The following PTPRD variants were observed in gnomAD, a reference collection of about 807,000 sequenced individuals.
PTPRD encodes protein tyrosine phosphatase receptor type D.
In PTPRD, 34 loss-of-function variants were observed where a neutral mutation model predicts 214.5. The observed-to-expected ratio is 0.16, with a 90% CI of 0.12 to 0.21. PTPRD has a LOEUF of 0.21. Ranked by LOEUF, PTPRD falls within the 10% of genes least tolerant of loss-of-function variation. PTPRD has a pLI of 1.00. For missense variants in PTPRD, 2,545 were observed against 2,398.7 expected, an observed-to-expected ratio of 1.06 and a Z score of -1.27; for synonymous variants, 1,128 against 845.7, an observed-to-expected ratio of 1.33 and a Z score of -5.79.
At chr9:10,431,537 C>T (rs2098678625) in intron 2 of PTPRD, among the ~76,000 whole-genome samples, 1 of 151,878 alleles carries the variant, frequency 6.6e-6, no homozygotes, top group African/African-American at 2.4e-5. Context: ...ACCTACTCAT[C>T]TGACAAAGGG....
chr9:8,934,463 A>ATATATATAT (rs2098978603), intron 11 of PTPRD, among the ~76,000 whole-genome samples: 1 of 11,682 alleles, frequency 8.6e-5, no homozygotes, highest in East Asian at 2.4e-3. Flanking sequence ...ATATATATAT[A>ATATATATAT]AATATATATA....
intron 7 of PTPRD, among the ~76,000 whole-genome samples, chr9:9,699,056 C>G (rs950310785): frequency 1.3e-5 from 2 of 152,128 alleles, no homozygotes; most frequent in African/African-American, 4.8e-5. Flanking sequence ...CCTTCTTCTA[C>G]TCATGTTTAT....
At chr9:9,287,970 A>G (rs945739775) in intron 9 of PTPRD, among the ~76,000 whole-genome samples, 1 of 151,644 alleles carries the variant, frequency 6.6e-6, no homozygotes, top group African/African-American at 2.4e-5. Flanking sequence ...CCAAACACTG[A>G]AGCAAAATGT....
At chr9:9,369,787 A>G (rs1265617001) in intron 9 of PTPRD, among the ~76,000 whole-genome samples, 1 of 152,124 alleles carries the variant, frequency 6.6e-6, no homozygotes, top group Non-Finnish European at 1.5e-5. Flanking sequence ...TAATTTTTGT[A>G]TAAGGTGTAA....
chr9:9,926,689 A>G (rs1566399124), intron 5 of PTPRD, among the ~76,000 whole-genome samples: 1 of 152,202 alleles, frequency 6.6e-6, no homozygotes, highest in Non-Finnish European at 1.5e-5. Context: ...AGCTAAAGCC[A>G]AAATTTCTAA....
chr9:10,308,380 A>C (rs2096155899), intron 3 of PTPRD, among the ~76,000 whole-genome samples: 2 of 152,032 alleles, frequency 1.3e-5, no homozygotes, highest in East Asian at 3.9e-4. Context: ...ATAAATACAT[A>C]AATTTAATTC....
intron 2 of PTPRD, among the ~76,000 whole-genome samples, chr9:10,549,925 C>A (rs1056710608): frequency 1.3e-5 from 2 of 152,112 alleles, no homozygotes; most frequent in Admixed American, 6.6e-5. Context: ...GTTACCCCAA[C>A]TTTATTGTGT....
intron 7 of PTPRD, among the ~76,000 whole-genome samples, chr9:9,717,344 G>A (rs536117615): frequency 2.0e-5 from 3 of 152,006 alleles, no homozygotes; most frequent in Non-Finnish European, 2.9e-5. Flanking sequence ...GCTCTTTTTT[G>A]GTTCCATATG....
intron 7 of PTPRD, among the ~76,000 whole-genome samples, chr9:9,678,659 C>T (rs1477522476): frequency 6.6e-6 from 1 of 151,566 alleles, no homozygotes. Flanking sequence ...TCGCCATGCT[C>T]CAAAAGTAAA....
At chr9:8,330,975 T>G (rs545919606) in intron 44 of PTPRD, among the ~76,000 whole-genome samples, 120 of 151,090 alleles carry the variant, frequency 7.9e-4, no homozygotes, top group Non-Finnish European at 1.5e-3. Context: ...ACTAAATTTA[T>G]GGTGAATGTC....
At chr9:9,676,781 G>C (rs908224990) in intron 7 of PTPRD, among the ~76,000 whole-genome samples, 9 of 152,052 alleles carry the variant, frequency 5.9e-5, no homozygotes, top group African/African-American at 2.2e-4. Context: ...ATCCTCTCCA[G>C]CACCTGTTGT....
chr9:10,245,401 C>T (rs905692709), intron 3 of PTPRD, among the ~76,000 whole-genome samples: 1 of 151,942 alleles, frequency 6.6e-6, no homozygotes, highest in African/African-American at 2.4e-5. Context: ...CTATGATTTC[C>T]AAAATAAAAT....
intron 10 of PTPRD, among the ~76,000 whole-genome samples, chr9:9,040,773 CAA>C (rs1247444819): frequency 1.3e-5 from 2 of 152,110 alleles, no homozygotes; most frequent in Non-Finnish European, 2.9e-5. Flanking sequence ...CCCTTCAAGC[CAA>C]ACTCAAATTT....
chr9:9,787,197 T>G (rs2098931201), intron 5 of PTPRD, among the ~76,000 whole-genome samples: 2 of 151,340 alleles, frequency 1.3e-5, no homozygotes, highest in Non-Finnish European at 2.9e-5. Flanking sequence ...CTCATTTAAC[T>G]AGATTTTATA....
intron 8 of PTPRD, among the ~76,000 whole-genome samples, chr9:9,459,138 C>A (rs1395771796): frequency 2.0e-5 from 3 of 151,946 alleles, no homozygotes; most frequent in African/African-American, 7.3e-5. Flanking sequence ...GGAATGGCCC[C>A]ACAGGAGATA....
intron 10 of PTPRD, among the ~76,000 whole-genome samples, chr9:9,153,991 T>A (rs973812925): frequency 6.6e-6 from 1 of 152,176 alleles, no homozygotes; most frequent in East Asian, 1.9e-4. Context: ...CCTGTTGACA[T>A]TGAAGATAGC....
intron 11 of PTPRD, among the ~76,000 whole-genome samples, chr9:8,843,210 T>C (rs1260610055): frequency 6.6e-6 from 1 of 152,228 alleles, no homozygotes; most frequent in Admixed American, 6.5e-5. Flanking sequence ...TTCCTTTATT[T>C]GATTTCCATG....
chr9:10,009,681 G>T (rs1000930244), intron 4 of PTPRD, among the ~76,000 whole-genome samples: 9 of 129,582 alleles, frequency 6.9e-5, no homozygotes, highest in African/African-American at 2.3e-4. Flanking sequence ...ATCAGAAAAA[G>T]ATCTGGAAAG....
chr9:9,190,774 A>C (rs918788843), intron 9 of PTPRD, among the ~76,000 whole-genome samples: 6 of 152,128 alleles, frequency 3.9e-5, no homozygotes, highest in Non-Finnish European at 5.9e-5. Context: ...ATGATAGATA[A>C]GTGGTGTGAT....
Sources: allele counts gnomAD v4.1 joint callset (sites outside exome capture counted in the v4.1 genomes callset), GRCh38; gene constraint gnomAD v4.1.1; transcripts MANE v1.5; gene names NCBI Gene and HGNC (gene_info 2026-07-23, HGNC 2026-07-21).